Variants in TMEM132D observed in about 807,000 individuals in gnomAD.
TMEM132D encodes the protein transmembrane protein 132D.
TMEM132D carries 21 observed loss-of-function variants against 62.3 expected under a neutral mutation model. The observed-to-expected ratio is 0.34, with a 90% CI of 0.24 to 0.49. The LOEUF (loss-of-function observed/expected upper bound fraction) is 0.49, where lower values mean the gene tolerates loss of function less well. Ranked by LOEUF, TMEM132D falls within the 20% of genes least tolerant of loss-of-function variation. The pLI, the probability that TMEM132D is intolerant of heterozygous loss-of-function variation, is 0.99. For synonymous variants in TMEM132D, 621 were observed against 575.6 expected, an observed-to-expected ratio of 1.08 and a Z score of -1.13; for missense variants, 1,346 against 1,402.8, an observed-to-expected ratio of 0.96 and a Z score of 0.65.
At chr12:129,438,915 T>C (rs1439111632) in intron 3 of TMEM132D, among the ~76,000 whole-genome samples, 3 of 152,246 alleles carry the variant, frequency 2.0e-5, no homozygotes, top group Non-Finnish European at 4.4e-5. Context: ...CAGTTCCATG[T>C]ACAATAGGAC....
chr12:129,282,727 C>T (rs1313771157), intron 4 of TMEM132D, among the ~76,000 whole-genome samples: 2 of 152,178 alleles, frequency 1.3e-5, no homozygotes, highest in Non-Finnish European at 2.9e-5. Flanking sequence ...ACATTTCTTG[C>T]ATATCTGAGT....
chr12:129,353,685 G>T (rs1869946416), intron 3 of TMEM132D, among the ~76,000 whole-genome samples: 1 of 152,182 alleles, frequency 6.6e-6, no homozygotes, highest in Admixed American at 6.5e-5. Flanking sequence ...AATGGGACCT[G>T]CCTGTAGTTT....
At chr12:129,560,780 A>G (rs1057263736) in intron 2 of TMEM132D, among the ~76,000 whole-genome samples, 1 of 152,138 alleles carries the variant, frequency 6.6e-6, no homozygotes, top group Admixed American at 6.5e-5. Context: ...CTTCAGGGAG[A>G]GTCAAGAGTG....
At chr12:129,193,571 C>A (rs917119782) in intron 5 of TMEM132D, among the ~76,000 whole-genome samples, 1 of 152,138 alleles carries the variant, frequency 6.6e-6, no homozygotes, top group Non-Finnish European at 1.5e-5. Flanking sequence ...ACTAAAATAA[C>A]CTATTAAACA....
chr12:129,346,534 G>T lies in TMEM132D; in HGVS notation c.1116-8717C>A, dbSNP rs914204069. Among the ~76,000 whole-genome samples the T allele has an allele frequency of 2.6e-5, 4 of 151,994 alleles. No individual in the cohort carries two copies. In the South Asian group the frequency reaches 8.3e-4, roughly 31 times the overall value. ...GTTCTTTTAATTGTGACGTTAGGGT[G>T]TCGAGTTTAGGTCTGAACATATCTC... On this transcript the variant is annotated intron_variant, in intron 3 of 8. Transcript: ENST00000422113.
chr12:129,307,442 G>A (rs1451408422), intron 4 of TMEM132D, among the ~76,000 whole-genome samples: 1 of 152,182 alleles, frequency 6.6e-6, no homozygotes, highest in Non-Finnish European at 1.5e-5. Context: ...TTCAGGCAGT[G>A]AACATATGAT....
chr12:129,822,225 G>C (rs752709589), intron 1 of TMEM132D, among the ~76,000 whole-genome samples: 5 of 152,086 alleles, frequency 3.3e-5, no homozygotes, highest in Non-Finnish European at 7.4e-5. Context: ...AGGGGAGAAG[G>C]GCTGAGTGGC....
intron 1 of TMEM132D, among the ~76,000 whole-genome samples, chr12:129,846,071 TG>T (rs1355032972): frequency 7.9e-5 from 12 of 152,192 alleles, no homozygotes; most frequent in Non-Finnish European, 1.8e-4. Flanking sequence ...GCATTTCTTA[TG>T]GGGAGGTGCT....
chr12:129,363,587 A>G (rs142045544), intron 3 of TMEM132D, among the ~76,000 whole-genome samples: 67 of 152,302 alleles, frequency 4.4e-4, no homozygotes, highest in African/African-American at 1.6e-3. Context: ...TCCAATATGT[A>G]TCTAGTTGAT....
chr12:129,713,787 G>A (rs1200595201), intron 1 of TMEM132D, among the ~76,000 whole-genome samples: 2 of 152,196 alleles, frequency 1.3e-5, no homozygotes, highest in Non-Finnish European at 2.9e-5. Context: ...TACCCAGCAG[G>A]CTTGCCGTGG....
chr12:129,474,530 T>A (rs11060368), intron 3 of TMEM132D, among the ~76,000 whole-genome samples: 33,402 of 152,062 alleles, frequency 0.22, 3,920 homozygotes, highest in East Asian at 0.38. Flanking sequence ...CAGCCCAGTG[T>A]TCTTCTGCTG....
At chr12:129,494,657 T>C (rs1874894403) in intron 3 of TMEM132D, among the ~76,000 whole-genome samples, 1 of 152,166 alleles carries the variant, frequency 6.6e-6, no homozygotes, top group African/African-American at 2.4e-5. Context: ...TACTACTCTA[T>C]AGTAATTACC....
chr12:129,767,501 C>G (rs1870589871), intron 1 of TMEM132D, among the ~76,000 whole-genome samples: 1 of 152,196 alleles, frequency 6.6e-6, no homozygotes, highest in African/African-American at 2.4e-5. Flanking sequence ...ATCCTATTCC[C>G]CATGTCCCCT....
intron 4 of TMEM132D, among the ~76,000 whole-genome samples, chr12:129,334,111 A>G (rs1025112776): frequency 6.6e-6 from 1 of 152,018 alleles, no homozygotes; most frequent in Non-Finnish European, 1.5e-5. Flanking sequence ...ACAGAGTGAA[A>G]CTCTGTCTCA....
chr12:129,076,255 A>AATT (rs1193045987), intron 8 of TMEM132D, among the ~76,000 whole-genome samples: 2 of 152,238 alleles, frequency 1.3e-5, no homozygotes, highest in Non-Finnish European at 2.9e-5. Context: ...GACAATAATG[A>AATT]ATTAGACCAA....
At chr12:129,614,044 A>C (rs947466541) in intron 2 of TMEM132D, among the ~76,000 whole-genome samples, 1 of 137,902 alleles carries the variant, frequency 7.3e-6, no homozygotes, top group African/African-American at 2.5e-5. Flanking sequence ...TCCATCACCT[A>C]GGCAACTATC....
intron 1 of TMEM132D, among the ~76,000 whole-genome samples, chr12:129,726,366 G>A (rs1869037296): frequency 6.6e-6 from 1 of 152,168 alleles, no homozygotes; most frequent in Non-Finnish European, 1.5e-5. Context: ...AAAGCTAGGA[G>A]GTGGCCATGT....
intron 4 of TMEM132D, among the ~76,000 whole-genome samples, chr12:129,231,759 T>C (rs1335343990): frequency 6.6e-6 from 1 of 152,132 alleles, no homozygotes; most frequent in Non-Finnish European, 1.5e-5. Context: ...GCTGAAATGG[T>C]GACCCTAACT....
intron 1 of TMEM132D, among the ~76,000 whole-genome samples, chr12:129,888,500 C>A (rs533942191): frequency 6.6e-6 from 1 of 152,220 alleles, no homozygotes; most frequent in South Asian, 2.1e-4. Flanking sequence ...GAGTTCAAGA[C>A]CAGCCTGGAC....
Sources: allele counts gnomAD v4.1 joint callset (sites outside exome capture counted in the v4.1 genomes callset), GRCh38; gene constraint gnomAD v4.1.1; transcripts MANE v1.5; gene names NCBI Gene and HGNC (gene_info 2026-07-23, HGNC 2026-07-21).